The following EML4 variants were observed in gnomAD, a reference collection of about 807,000 sequenced individuals.
EML4 encodes echinoderm microtubule-associated protein-like 4.
EML4 carries 72 observed loss-of-function variants against 129.0 expected under a neutral mutation model. The ratio of observed to expected loss-of-function variants is 0.56; its 90% CI spans 0.46 to 0.68. The LOEUF (loss-of-function observed/expected upper bound fraction) is 0.68. EML4 is among the 30% of genes least tolerant of loss of function. EML4 has a pLI of 0.00. For missense variants in EML4, 1,363 were observed against 1,190.6 expected (o/e 1.14, Z -2.13); for synonymous variants, 532 against 405.0 (o/e 1.31, Z -3.77).
intron 6 of EML4, among the ~76,000 whole-genome samples, chr2:42,267,945 T>C (rs927863922): frequency 6.6e-6 from 1 of 152,256 alleles, no homozygotes; most frequent in African/African-American, 2.4e-5. Context: ...AGTACAATAA[T>C]ATTCACTTTG....
intron 2 of EML4, among the ~76,000 whole-genome samples, chr2:42,252,192 A>G (rs770258858): frequency 1.3e-5 from 2 of 152,240 alleles, no homozygotes; most frequent in Non-Finnish European, 2.9e-5. Flanking sequence ...TACATACAGT[A>G]CACTGAAATT....
intron 1 of EML4, among the ~76,000 whole-genome samples, chr2:42,200,352 A>C (rs1190627440): frequency 6.6e-6 from 1 of 152,092 alleles, no homozygotes; most frequent in African/African-American, 2.4e-5. Flanking sequence ...AGCACTGTGT[A>C]GACAAGGGGA....
chr2:42,172,029 A>G (rs1450798262), intron 1 of EML4, among the ~76,000 whole-genome samples: 1 of 152,116 alleles, frequency 6.6e-6, no homozygotes, highest in African/African-American at 2.4e-5. Context: ...TATAAAGGCA[A>G]GCACTTCTAC....
At position 42,286,316 on chromosome 2, in the gene EML4, A is replaced by G. The variant is rs770434823; in HGVS notation, c.1059A>G (p.Thr353=). 74 of 1,613,926 alleles carry G rather than the reference A, an allele frequency of 4.6e-5. No homozygotes were observed. In the South Asian group the frequency reaches 7.0e-4, roughly 15 times the overall value. The stretch of plus-strand genomic sequence containing the variant: ...TGTGGGATTCTGTTACTCTATCCAC[A>G]CTGCAGATTATTGGACTTGGCACTT... The part of the protein sequence containing the change: ...VRVWDSVTLS[T]LQIIGLGTFE... Residue 353 remains threonine, a synonymous_variant, in exon 10 of 23, where the codon ACA becomes ACG. Coordinates refer to ENST00000318522, the MANE Select transcript of EML4 (RefSeq NM_019063.5).
Position 42,325,562 on chromosome 2 carries a change from T to C in EML4, c.2242+8T>C, listed in dbSNP as rs745722602. ...ACTATGAAATATTGTACTGTAAGTA[T>C]GAATGATTTTATATATATATATATA... On this transcript the variant is annotated splice_region_variant and intron_variant, in intron 20 of 22. Coordinates refer to ENST00000318522, the MANE Select transcript of EML4 (RefSeq NM_019063.5). 31 of 909,940 alleles carry C rather than the reference T, an allele frequency of 3.4e-5. No homozygotes were observed. The highest frequency in any genetic ancestry group is 4.9e-5 in the Non-Finnish European group (30 of 606,536). The allele number at this position is 909,940 out of a possible 1,614,324, so 56.4% of individuals were successfully genotyped here. A position where few individuals can be genotyped will look rare whatever the true frequency, so the allele number is the denominator to read the frequency against.
At chr2:42,296,274 A>G (rs879600514) in intron 13 of EML4, among the ~76,000 whole-genome samples, 34 of 152,286 alleles carry the variant, frequency 2.2e-4, no homozygotes, top group Admixed American at 3.9e-4. Flanking sequence ...AGAGATTCTT[A>G]GCAGCAACAG....
At chr2:42,224,777 T>C (rs1163262223) in intron 1 of EML4, among the ~76,000 whole-genome samples, 1 of 152,164 alleles carries the variant, frequency 6.6e-6, no homozygotes, top group African/African-American at 2.4e-5. Flanking sequence ...TTTATTGTTA[T>C]AAAATACACA....
At chr2:42,212,586 T>A (rs974825228) in intron 1 of EML4, among the ~76,000 whole-genome samples, 1 of 152,212 alleles carries the variant, frequency 6.6e-6, no homozygotes, top group African/African-American at 2.4e-5. Context: ...CTAAAATTCT[T>A]TCTTAATTTC....
chr2:42,237,746 A>G (rs916752179), intron 1 of EML4, among the ~76,000 whole-genome samples: 7 of 152,244 alleles, frequency 4.6e-5, no homozygotes, highest in African/African-American at 9.6e-5. Flanking sequence ...AATGTTATTA[A>G]GAAAGTCATA....
chr2:42,239,523 G>T (rs1340256526), intron 1 of EML4, among the ~76,000 whole-genome samples: 1 of 152,122 alleles, frequency 6.6e-6, no homozygotes. Flanking sequence ...GACTCATGCC[G>T]GTAAATAGAT....
chr2:42,327,286 T>G (rs908478753), intron 21 of EML4, among the ~76,000 whole-genome samples: 3 of 152,260 alleles, frequency 2.0e-5, no homozygotes, highest in Non-Finnish European at 2.9e-5. Context: ...TCAGCTATTA[T>G]GAATACCACT....
At chr2:42,270,496 C>G (rs933678789) in intron 6 of EML4, among the ~76,000 whole-genome samples, 23 of 152,130 alleles carry the variant, frequency 1.5e-4, no homozygotes, top group African/African-American at 4.8e-4. Context: ...TGCTTTTGTT[C>G]AGAGCCTTGC....
At chr2:42,208,008 C>G (rs924453310) in intron 1 of EML4, 2 of 152,166 alleles carry the variant, frequency 1.3e-5, no homozygotes, top group African/African-American at 2.4e-5. Context: ...TTCTGAAAGT[C>G]GGACATCAGT....
At chr2:42,244,996 C>T (rs1363538099) in intron 1 of EML4, among the ~76,000 whole-genome samples, 1 of 149,328 alleles carries the variant, frequency 6.7e-6, no homozygotes, top group Non-Finnish European at 1.5e-5. Flanking sequence ...AGTTTATTAA[C>T]TTATTTTAAA....
At chr2:42,243,558 T>C (rs752854154) in intron 1 of EML4, among the ~76,000 whole-genome samples, 1 of 152,152 alleles carries the variant, frequency 6.6e-6, no homozygotes, top group Non-Finnish European at 1.5e-5. Context: ...AAATTAATGC[T>C]CAAAGAACTT....
Position 42,330,144 on chromosome 2 carries a change from A to G in EML4, c.2883A>G (p.Ile961Met). The change falls in exon 23 of 23, where the codon ATA (isoleucine) becomes ATG (methionine). Residue 961 changes from isoleucine (I) to methionine (M), a missense_variant. Physicochemically the swap from Ile to Met is conservative, Grantham distance 10. Transcript: ENST00000318522. Reference protein sequence around the residue: ...EPLYEEPCNEISKEQAKATLL... With the variant: ...EPLYEEPCNEMSKEQAKATLL... ...TTTATGAAGAGCCATGCAACGAGAT[A>G]AGCAAGGAGCAGGCCAAAGCCACCC... 6.2e-7 allele frequency: 1 copy of G among 1,612,090 alleles called. No individual in the cohort carries two copies. The highest frequency in any genetic ancestry group is 1.1e-5 in the South Asian group (1 of 90,910).
Position 42,330,619 on chromosome 2 carries a change from CTTTT to C in EML4, c.*425_*428del, listed in dbSNP as rs553903131. 72 of 206,568 alleles carry C rather than the reference CTTTT, an allele frequency of 3.5e-4. No individual in the cohort carries two copies. The highest frequency in any genetic ancestry group is 1.3e-3 in the South Asian group (11 of 8,714). 12.8% of individuals were successfully genotyped at this position (206,568 alleles called of 1,614,324 possible). ...TCATCTACTGGCTCAGACTGTACTA[CTTTT>C]TTTTTTTTTTTTCCTGAAAAAGAAA... On this transcript the variant is annotated 3_prime_UTR_variant, in exon 23 of 23. Coordinates refer to ENST00000318522, the MANE Select transcript of EML4 (RefSeq NM_019063.5).
At chr2:42,315,880 C>T in intron 17 of EML4, 82 bp from the exon 18 acceptor site, 1 of 889,682 alleles carries the variant, frequency 1.1e-6, no homozygotes, top group Non-Finnish European at 1.7e-6. Flanking sequence ...GACTCCATCT[C>T]AAAAAAAAAA....
At chr2:42,170,268 T>G (rs1442238213) in intron 1 of EML4, 1 of 152,320 alleles carries the variant, frequency 6.6e-6, no homozygotes, top group African/African-American at 2.4e-5. Flanking sequence ...CCTAGAAGCA[T>G]CGGAGCATCA....
Sources: gnomAD v4.1 joint callset for allele counts (sites outside exome capture counted in the v4.1 genomes callset) on GRCh38, gnomAD v4.1.1 for gene constraint, MANE v1.5 for transcripts, NCBI Gene and HGNC (gene_info 2026-07-23, HGNC 2026-07-21) for gene names.